The following PRDM11 variants were observed in gnomAD, a reference collection of about 807,000 sequenced individuals.
The protein encoded by PRDM11 is PR/SET domain 11, also known as PR domain-containing protein 11.
A neutral mutation model predicts 97.8 loss-of-function variants in PRDM11; 20 were observed. The observed-to-expected ratio is 0.20, with a 90% CI of 0.14 to 0.30. PRDM11 has a LOEUF of 0.30. Ranked by LOEUF, PRDM11 falls within the 10% of genes least tolerant of loss-of-function variation. The pLI is 1.00. For missense variants in PRDM11, 1,139 were observed against 1,555.2 expected (o/e 0.73, Z 4.50); for synonymous variants, 599 against 637.7 (o/e 0.94, Z 0.91).
chr11:45,094,439 G>T (rs1014118746), upstream of PRDM11, among the ~76,000 whole-genome samples: 1 of 152,122 alleles, frequency 6.6e-6, no homozygotes, highest in Admixed American at 6.5e-5. Context: ...GGGCTGGGAG[G>T]GGGTGGGGGA....
chr11:45,095,635 G>T (rs1469947105), upstream of PRDM11, among the ~76,000 whole-genome samples: 3 of 152,234 alleles, frequency 2.0e-5, no homozygotes, highest in Non-Finnish European at 4.4e-5. Context: ...GTCACTATGT[G>T]ACAAAGTTCT....
chr11:45,165,883 C>A (rs761498042), intron 1 of PRDM11, among the ~76,000 whole-genome samples: 50 of 152,290 alleles, frequency 3.3e-4, no homozygotes, highest in Non-Finnish European at 6.5e-4. Flanking sequence ...AAGACCCCCT[C>A]CCATTGCAGC....
intron 1 of PRDM11, among the ~76,000 whole-genome samples, chr11:45,136,909 G>A (rs558825380): frequency 4.6e-5 from 7 of 151,736 alleles, no homozygotes; most frequent in South Asian, 2.1e-4. Flanking sequence ...TTGGGAGGCC[G>A]AGGCGGGTGG....
In PRDM11 at chr11:45,182,937, G is replaced by A. The variant is rs763430196; in HGVS notation, c.300G>A (p.Pro100=). Residue 100 remains proline, a synonymous_variant, in exon 4 of 8, where the codon CCG becomes CCA. Coordinates refer to ENST00000683152, the MANE Select transcript of PRDM11 (RefSeq NM_001384648.1). ...CCCCGGTGTTTGTGTCTGACACACC[G>A]GTGCCCGTGGGCATCCCAGACCGGG... The part of the protein sequence containing the change: ...HGPPVFVSDT[P]VPVGIPDRAA... 2.0e-5 allele frequency: 33 copies of A among 1,613,556 alleles called. No individual in the cohort carries two copies. Among genetic ancestry groups the A allele is most frequent in the South Asian group, 1.1e-4 (10 of 91,062 alleles).
chr11:45,226,790 A>C lies in PRDM11; in HGVS notation c.2165A>C (p.Asp722Ala). Residue 722 changes from aspartate (D) to alanine (A), a missense_variant, in exon 8 of 8, where the codon GAT becomes GCT. This residue lies in a region of PRDM11 where 710 missense variants were observed against 1,044.9 expected (regional missense o/e 0.68). Transcript: ENST00000683152. ...AFSALGIRLQ[D>A]EKPTVGLGVD... ...TCGGCCTTGGGCATCCGGTTGCAGG[A>C]TGAAAAGCCAACTGTTGGCTTGGGT... is the stretch of plus-strand genomic sequence containing the variant. The C allele has an allele frequency of 6.5e-7, 1 of 1,533,890 alleles. No individual in the cohort carries two copies. The highest frequency in any genetic ancestry group is 1.4e-5 in the African/African-American group (1 of 73,058).
At chr11:45,132,921 G>GTTT (rs1852751169) in intron 1 of PRDM11, among the ~76,000 whole-genome samples, 1 of 152,204 alleles carries the variant, frequency 6.6e-6, no homozygotes, top group South Asian at 2.1e-4. Context: ...TGATGGCTCA[G>GTTT]CCATCTTGCT....
chr11:45,102,669 G>A lies in PRDM11; in HGVS notation c.96+6768G>A, dbSNP rs76111670. Among the ~76,000 whole-genome samples, 29 of 151,826 alleles carry A rather than the reference G, an allele frequency of 1.9e-4. No individual in the cohort carries two copies. In the East Asian group the frequency reaches 5.0e-3, roughly 26 times the overall value. Reference sequence around the variant, plus strand: ...AGCCTCCTTCCCCCCTGCCATCCCAGTCCATTAGGTCCAGATGACCTGTGA... The same window carrying A: ...AGCCTCCTTCCCCCCTGCCATCCCAATCCATTAGGTCCAGATGACCTGTGA... On this transcript the variant is annotated intron_variant, in intron 1 of 6. Transcript: ENST00000530656.
At chr11:45,110,798 G>A (rs922000452) in intron 1 of PRDM11, among the ~76,000 whole-genome samples, 4 of 152,170 alleles carry the variant, frequency 2.6e-5, no homozygotes, top group South Asian at 2.1e-4. Flanking sequence ...TCCAGCAGAT[G>A]GCAGTAAAGT....
chr11:45,210,813 C>T (rs933444446), intron 5 of PRDM11, among the ~76,000 whole-genome samples: 1 of 152,180 alleles, frequency 6.6e-6, no homozygotes, highest in African/African-American at 2.4e-5. Context: ...GACTTGAACC[C>T]GGGTCTGCTG....
intron 1 of PRDM11, among the ~76,000 whole-genome samples, chr11:45,103,964 T>C (rs930288953): frequency 5.9e-5 from 9 of 152,154 alleles, no homozygotes; most frequent in Admixed American, 5.9e-4. Context: ...CAAATATAGC[T>C]GTGCTTTATT....
chr11:45,136,462 C>T (rs1852846214), intron 1 of PRDM11, among the ~76,000 whole-genome samples: 1 of 152,034 alleles, frequency 6.6e-6, no homozygotes, highest in Non-Finnish European at 1.5e-5. Flanking sequence ...AAAGTATTAC[C>T]AGATTGCAAC....
Position 45,181,860 on chromosome 11 carries a change from C to A in PRDM11, c.94C>A (p.Arg32=). ...GAAGACGGAGGTCTGCTCACCACTC[C>A]GAGACCAGGAGTATGGCCAGCCCTG... ...VVKTEVCSPL[R]DQEYGQPCSR... Residue 32 remains arginine, a synonymous_variant, in exon 2 of 8, where the codon CGA becomes AGA. Coordinates refer to ENST00000683152, the MANE Select transcript of PRDM11 (RefSeq NM_001384648.1). 1 of 1,613,144 alleles carries A rather than the reference C, an allele frequency of 6.2e-7. No homozygotes were observed. Among genetic ancestry groups the A allele is most frequent in the South Asian group, 1.1e-5 (1 of 91,038 alleles).
chr11:45,161,170 G>A (rs929844410), intron 1 of PRDM11, among the ~76,000 whole-genome samples: 1 of 152,180 alleles, frequency 6.6e-6, no homozygotes, highest in Non-Finnish European at 1.5e-5. Context: ...AGGACCGAGT[G>A]AGCTAACACA....
At chr11:45,179,468 C>A (rs1007572018) in intron 1 of PRDM11, among the ~76,000 whole-genome samples, 3 of 152,212 alleles carry the variant, frequency 2.0e-5, no homozygotes, top group Non-Finnish European at 4.4e-5. Flanking sequence ...TCATCTCAGG[C>A]TGCCATGACA....
rs1189096530 is a variant in PRDM11, at chr11:45,184,292, C to T, written c.486+1169C>T. On this transcript the variant is annotated intron_variant, in intron 4 of 7. Coordinates refer to ENST00000683152, the MANE Select transcript of PRDM11 (RefSeq NM_001384648.1). ...TAGGGCCCAGTGGACCAAATTAGGA[C>T]TTCTGTCCTTTTAATAATGTAGGAG... 3.9e-5 allele frequency among the ~76,000 whole-genome samples: 6 copies of T among 152,316 alleles called. 1 individual carries two copies. In the South Asian group the frequency reaches 6.2e-4, roughly 16 times the overall value.
chr11:45,208,070 T>C (rs1853579334), intron 5 of PRDM11, among the ~76,000 whole-genome samples: 1 of 152,110 alleles, frequency 6.6e-6, no homozygotes, highest in Admixed American at 6.5e-5. Context: ...GGCTGCTCAG[T>C]TGAGAGGGAA....
At chr11:45,165,346 C>T (rs1246550522) in intron 1 of PRDM11, among the ~76,000 whole-genome samples, 3 of 152,220 alleles carry the variant, frequency 2.0e-5, no homozygotes, top group Non-Finnish European at 2.9e-5. Context: ...TGAGCCCTGC[C>T]GGTGCCAGCA....
chr11:45,224,197 AC>A lies in PRDM11; in HGVS notation c.743-17del, dbSNP rs1256910745. ...TTGGGGGTTTTCCCCATTTCCTTACACCCTGGTTTTCCTTCCTAGGAGAGAA... is the reference window on the plus strand; with the variant it reads ...TTGGGGGTTTTCCCCATTTCCTTACACCTGGTTTTCCTTCCTAGGAGAGAA... On this transcript the variant is annotated intron_variant, in intron 6 of 7. Transcript: ENST00000683152. 1 of 1,545,482 alleles carries A rather than the reference AC, an allele frequency of 6.5e-7. No individual in the cohort carries two copies. Among genetic ancestry groups the A allele is most frequent in the Admixed American group, 2.1e-5 (1 of 46,902 alleles).
At chr11:45,207,105 G>A (rs1853539789) in intron 5 of PRDM11, among the ~76,000 whole-genome samples, 1 of 152,228 alleles carries the variant, frequency 6.6e-6, no homozygotes, top group South Asian at 2.1e-4. Context: ...CAAAGAGCAG[G>A]TTTGGGTTAG....
Sources: gnomAD v4.1 joint callset for allele counts (sites outside exome capture counted in the v4.1 genomes callset) on GRCh38, gnomAD v4.1.1 for gene constraint, gnomAD v4.1.1 regional missense constraint, MANE v1.5 for transcripts, NCBI Gene and HGNC (gene_info 2026-07-23, HGNC 2026-07-21) for gene names.